Variants in TPCN2 observed in about 807,000 individuals in gnomAD.
TPCN2 encodes two pore channel protein 2.
A neutral mutation model predicts 111.4 loss-of-function variants in TPCN2; 92 were observed. That is an observed-to-expected ratio of 0.83 (90% confidence interval 0.70 to 0.98). The LOEUF is 0.98. Ranked by LOEUF, TPCN2 falls within the 50% of genes least tolerant of loss-of-function variation. The pLI is 0.00. For missense variants in TPCN2, 995 were observed against 980.1 expected (o/e 1.02, Z -0.20); for synonymous variants, 405 against 414.5 (o/e 0.98, Z 0.28).
intron 14 of TPCN2, 29 bp downstream of exon 14, chr11:69,078,630 A>G (rs4930649): frequency 0.95 from 1,527,337 of 1,613,644 alleles, 734,595 homozygotes; most frequent in Non-Finnish European, 0.99. Flanking sequence ...CAGAGCTGGC[A>G]CGGAAGTGCC....
chr11:69,070,049 G>A (rs1346741341), intron 8 of TPCN2, among the ~76,000 whole-genome samples: 1 of 146,102 alleles, frequency 6.8e-6, no homozygotes, highest in Admixed American at 6.9e-5. Context: ...GTTTGAGATG[G>A]TGCCATGCTC....
chr11:69,086,651 T>C (rs1434288216), intron 23 of TPCN2, 47 bp downstream of exon 23: 7 of 1,577,132 alleles, frequency 4.4e-6, no homozygotes, highest in Non-Finnish European at 6.1e-6. Context: ...CGTTTGTTTC[T>C]AATTCACTCT....
At chr11:69,064,754 C>A (rs546976647) in intron 7 of TPCN2, among the ~76,000 whole-genome samples, 1 of 152,228 alleles carries the variant, frequency 6.6e-6, no homozygotes, top group South Asian at 2.1e-4. Flanking sequence ...CTGAAGCCCG[C>A]GTTCTCACCC....
intron 5 of TPCN2, among the ~76,000 whole-genome samples, chr11:69,058,997 A>G (rs866780565): frequency 1.3e-5 from 2 of 152,314 alleles, no homozygotes; most frequent in South Asian, 4.1e-4. Context: ...CAAGGAAGAA[A>G]ATGAATAAAG....
chr11:69,070,264 G>T (rs1855462983), intron 8 of TPCN2, among the ~76,000 whole-genome samples, 166 bp from the exon 9 acceptor site: 2 of 152,078 alleles, frequency 1.3e-5, no homozygotes, highest in Admixed American at 6.5e-5. Context: ...GACCTCAAGT[G>T]ATCCACCCGC....
Position 69,078,588 on chromosome 11 carries a change from TG to T in TPCN2, c.1339del (p.Val447CysfsTer97). ...YLGNLIALAN[L>X]VSICVFLVLD... is the part of the protein sequence containing the mutation. ...GGGAACCTCATCGCCCTGGCAAACC[TG>T]GTGTCCATTTGCGTGAGTGTGGATT... On this transcript the variant is annotated frameshift_variant, in exon 14 of 25. Transcript: ENST00000294309. LOFTEE classifies it high-confidence loss of function. 1 of 1,614,048 alleles carries T rather than the reference TG, an allele frequency of 6.2e-7. No individual in the cohort carries two copies. The highest frequency in any genetic ancestry group is 1.1e-5 in the South Asian group (1 of 91,086).
chr11:69,072,775 T>G, intron 12 of TPCN2, 67 bp downstream of exon 12: 1 of 1,585,810 alleles, frequency 6.3e-7, no homozygotes, highest in Non-Finnish European at 8.6e-7. Context: ...CAGCAGCCCC[T>G]TTTCAGGACT....
At chr11:69,051,614 G>T (rs1328604372) in intron 1 of TPCN2, among the ~76,000 whole-genome samples, 1 of 152,228 alleles carries the variant, frequency 6.6e-6, no homozygotes, top group Non-Finnish European at 1.5e-5. Context: ...TCGAGGCCTG[G>T]TGTGCCGGAT....
intron 19 of TPCN2, among the ~76,000 whole-genome samples, chr11:69,084,393 C>T (rs1051015804): frequency 6.6e-6 from 1 of 152,204 alleles, no homozygotes. Flanking sequence ...CTGCACAAGC[C>T]CTGGGATGAG....
At chr11:69,058,566 C>G (rs1229975709) in intron 5 of TPCN2, among the ~76,000 whole-genome samples, 2 of 152,228 alleles carry the variant, frequency 1.3e-5, no homozygotes, top group African/African-American at 4.8e-5. Flanking sequence ...TAGGAACAGC[C>G]TAGTGAGTGC....
chr11:69,087,110 A>G lies in TPCN2; in HGVS notation c.2086-2A>G. The G allele has an allele frequency of 6.2e-7, 1 of 1,613,636 alleles. No homozygotes were observed. Among genetic ancestry groups the G allele is most frequent in the Non-Finnish European group, 8.5e-7 (1 of 1,179,702 alleles). On this transcript the variant is annotated splice_acceptor_variant, in intron 23 of 24. Transcript: ENST00000294309. LOFTEE classifies it high-confidence loss of function. ...TCACTGGCCACTCCTCCTGCTTGCC[A>G]GAACTTCCTTCACAAGTGGGACCCC... is the stretch of plus-strand genomic sequence containing the variant.
intron 7 of TPCN2, 96 bp downstream of exon 7, chr11:69,064,063 A>C (rs1590718645): frequency 8.2e-7 from 1 of 1,213,222 alleles, no homozygotes; most frequent in African/African-American, 1.5e-5. Context: ...GGCCTAACCC[A>C]TGTGCGGACT....
chr11:69,081,601 G>A (rs1490333854), intron 18 of TPCN2, 102 bp downstream of exon 18: 15 of 834,236 alleles, frequency 1.8e-5, no homozygotes, highest in Non-Finnish European at 2.6e-5. Context: ...CGAGGACTGT[G>A]CCCGTCACCC....
chr11:69,070,361 G>A, intron 8 of TPCN2, 69 bp from the exon 9 acceptor site: 2 of 1,261,590 alleles, frequency 1.6e-6, no homozygotes, highest in Non-Finnish European at 1.1e-6. Context: ...AGCAAATAGT[G>A]TAGCGTCAGG....
In TPCN2 at chr11:69,049,033, G is replaced by T. The variant is rs1218801667; in HGVS notation, c.36G>T (p.Leu12=). 1.1e-5 allele frequency: 14 copies of T among 1,241,750 alleles called. No individual in the cohort carries two copies. The highest frequency in any genetic ancestry group is 2.0e-6 in the Non-Finnish European group (2 of 988,598). 76.9% of individuals were successfully genotyped at this position (1,241,750 alleles called of 1,614,324 possible). The change falls in exon 1 of 25, where the codon CTG becomes CTT. Residue 12 remains leucine (L), a synonymous_variant. Coordinates refer to ENST00000294309, the MANE Select transcript of TPCN2 (RefSeq NM_139075.4). ...CCCAGGCGGAGTCGGAGCCCCTGCT[G>T]GGCGGGGCCCGCGGCGGTGGCGGCG... The part of the protein sequence containing the change: ...AEPQAESEPL[L]GGARGGGGDW...
rs940129485 is a variant in TPCN2, at chr11:69,087,092, C to G, written c.2086-20C>G. ...TTCATTCGGGGCCCACACTCACTGG[C>G]CACTCCTCCTGCTTGCCAGAACTTC... On this transcript the variant is annotated intron_variant, in intron 23 of 24. Coordinates refer to ENST00000294309, the MANE Select transcript of TPCN2 (RefSeq NM_139075.4). 6.2e-7 allele frequency: 1 copy of G among 1,608,222 alleles called. No homozygotes were observed. Among genetic ancestry groups the G allele is most frequent in the African/African-American group, 1.3e-5 (1 of 74,900 alleles).
At chr11:69,087,817 C>T (rs1472336053) in intron 24 of TPCN2, 58 bp from the exon 25 acceptor site, 7 of 1,422,806 alleles carry the variant, frequency 4.9e-6, no homozygotes, top group Admixed American at 3.9e-5. Context: ...TTCTTGTGGG[C>T]AGGCCAGGGT....
chr11:69,075,849 C>G (rs2134603289), intron 13 of TPCN2, among the ~76,000 whole-genome samples: 1 of 152,300 alleles, frequency 6.6e-6, no homozygotes, highest in South Asian at 2.1e-4. Context: ...AGTGGTCATT[C>G]ATTATAGACA....
chr11:69,059,411 G>A (rs780855843), intron 5 of TPCN2, among the ~76,000 whole-genome samples: 2 of 152,192 alleles, frequency 1.3e-5, no homozygotes, highest in Non-Finnish European at 2.9e-5. Context: ...TGGGGGAGGT[G>A]GGAAGTGGAA....
Sources: allele counts gnomAD v4.1 joint callset (sites outside exome capture counted in the v4.1 genomes callset), GRCh38; gene constraint gnomAD v4.1.1; transcripts MANE v1.5; gene names NCBI Gene and HGNC (gene_info 2026-07-23, HGNC 2026-07-21).